Variants in SCRN1 observed in about 807,000 individuals in gnomAD.
SCRN1 encodes the protein secernin 1.
A neutral mutation model predicts 43.3 loss-of-function variants in SCRN1; 19 were observed. The observed-to-expected ratio is 0.44, with a 90% CI of 0.31 to 0.64. The LOEUF (loss-of-function observed/expected upper bound fraction) is 0.64, where lower values mean the gene tolerates loss of function less well. Among genes scored for constraint, SCRN1 ranks in the 30% least tolerant of loss-of-function variants. SCRN1 has a pLI of 0.09. For synonymous variants in SCRN1, 183 were observed against 188.9 expected, an observed-to-expected ratio of 0.97 and a Z score of 0.26; for missense variants, 447 against 524.1, an observed-to-expected ratio of 0.85 and a Z score of 1.44.
intron 6 of SCRN1, among the ~76,000 whole-genome samples, chr7:29,927,957 C>T (rs1213310222): frequency 6.6e-6 from 1 of 151,904 alleles, no homozygotes; most frequent in South Asian, 2.1e-4. Flanking sequence ...CCCGTTTCTA[C>T]TAAAAATAAA....
intron 3 of SCRN1, chr7:29,947,328 GA>G (rs1787767687): frequency 1.3e-6 from 2 of 1,550,640 alleles, no homozygotes; most frequent in South Asian, 2.4e-5. Flanking sequence ...ATCTCACTGA[GA>G]AAGATGGGTC....
intron 1 of SCRN1, among the ~76,000 whole-genome samples, chr7:29,978,998 T>C (rs1296855769): frequency 6.6e-6 from 1 of 152,264 alleles, no homozygotes; most frequent in Non-Finnish European, 1.5e-5. Context: ...TTTACAAAAG[T>C]ATTCTTCAAG....
At chr7:29,976,833 T>C (rs901482801) in intron 1 of SCRN1, among the ~76,000 whole-genome samples, 7 of 152,238 alleles carry the variant, frequency 4.6e-5, no homozygotes, top group African/African-American at 1.4e-4. Flanking sequence ...ATTCATCCTC[T>C]GACTGGTGGC....
intron 5 of SCRN1, among the ~76,000 whole-genome samples, chr7:29,939,016 GA>G (rs1379181046): frequency 6.6e-6 from 1 of 152,084 alleles, no homozygotes; most frequent in Non-Finnish European, 1.5e-5. Flanking sequence ...ATCAGATTTA[GA>G]GTTGATGTTT....
At chr7:29,947,369 T>C (rs1787769789) in intron 3 of SCRN1, 1 of 1,541,548 alleles carries the variant, frequency 6.5e-7, no homozygotes, top group African/African-American at 1.4e-5. Context: ...TTAAAGCCCG[T>C]TTGTTTAGAA....
intron 1 of SCRN1, among the ~76,000 whole-genome samples, chr7:29,982,818 C>CTCAATCAAGG (rs1311836450): frequency 1.3e-3 from 205 of 151,924 alleles, no homozygotes; most frequent in African/African-American, 4.8e-3. Context: ...ACTCTATCTT[C>CTCAATCAAGG]TCAATCAAGG....
At position 29,921,907 on chromosome 7, in the gene SCRN1, T is replaced by C. The variant is rs534916198; in HGVS notation, c.*2050A>G. On this transcript the variant is annotated 3_prime_UTR_variant, in exon 8 of 8. Transcript: ENST00000242059. ...CAGACATGTCAGGTCTGATGAGACA[T>C]TTCATAGTAGGCGAAGGTGAAATCA... 6.6e-6 allele frequency: 1 copy of C among 152,342 alleles called. No individual in the cohort carries two copies. Among genetic ancestry groups the C allele is most frequent in the South Asian group, 2.1e-4 (1 of 4,830 alleles). The allele number at this position is 152,342 out of a possible 1,614,324, so 9.4% of individuals were successfully genotyped here. A position where few individuals can be genotyped will look rare whatever the true frequency, so the allele number is the denominator to read the frequency against.
At chr7:29,972,728 GCTTCA>G (rs1367088909) in intron 1 of SCRN1, among the ~76,000 whole-genome samples, 7 of 152,188 alleles carry the variant, frequency 4.6e-5, no homozygotes, top group African/African-American at 1.7e-4. Context: ...GCACTGACTA[GCTTCA>G]GAGATGACTT....
chr7:29,989,880 C>A, upstream of SCRN1: 1 of 1,036,504 alleles, frequency 9.6e-7, no homozygotes, highest in African/African-American at 1.7e-5. Flanking sequence ...CCTCCCCCAC[C>A]CCGGCCCCCG....
chr7:29,952,923 C>G (rs868061875), intron 3 of SCRN1, among the ~76,000 whole-genome samples: 56 of 152,330 alleles, frequency 3.7e-4, no homozygotes, highest in African/African-American at 1.3e-3. Context: ...CTGGACATGG[C>G]TAGCCCAAGA....
chr7:29,972,254 A>T (rs947060147), intron 1 of SCRN1, among the ~76,000 whole-genome samples: 11 of 152,314 alleles, frequency 7.2e-5, no homozygotes, highest in African/African-American at 2.6e-4. Context: ...ATCTTGTGTG[A>T]TGCCTCGAGT....
chr7:29,960,575 T>C (rs1788274751), intron 2 of SCRN1, among the ~76,000 whole-genome samples: 1 of 152,198 alleles, frequency 6.6e-6, no homozygotes, highest in Non-Finnish European at 1.5e-5. Context: ...CAAGTATAAG[T>C]AATGTAAACC....
Position 29,950,177 on chromosome 7 carries a change from C to T in SCRN1, c.341+5002G>A, listed in dbSNP as rs1787873324. ...CCTACAGGCTTGGAAGTGCCTGCTT[C>T]CTGCTCCCTGACCTCTTCCCGCTTC... On this transcript the variant is annotated intron_variant, in intron 3 of 7. Coordinates refer to ENST00000242059, the MANE Select transcript of SCRN1 (RefSeq NM_014766.5). This position sits in a 1 kb window ranked among gnomAD's most constrained non-coding sequence, Gnocchi z 4.5. 6.6e-6 allele frequency among the ~76,000 whole-genome samples: 1 copy of T among 152,224 alleles called. No homozygotes were observed. Among genetic ancestry groups the T allele is most frequent in the South Asian group, 2.1e-4 (1 of 4,832 alleles).
In SCRN1 at chr7:29,920,636, G is replaced by C. The variant is rs930288790; in HGVS notation, c.*3321C>G. ...CAACTGAAGACCTTCCCCAATAAAT[G>C]ACAGATGGCTCTTCAGTCAGGAATG... On this transcript the variant is annotated 3_prime_UTR_variant, in exon 8 of 8. Transcript: ENST00000242059. 3.9e-5 allele frequency: 6 copies of C among 152,174 alleles called. No individual in the cohort carries two copies. The highest frequency in any genetic ancestry group is 6.5e-5 in the Admixed American group (1 of 15,278). The allele number at this position is 152,174 out of a possible 1,614,324, so 9.4% of individuals were successfully genotyped here.
chr7:29,985,071 C>T lies in SCRN1; in HGVS notation c.-2+4571G>A, dbSNP rs1295269250. ...GCCAAATCTAACAGATTAACATAAC[C>T]AGTGAAGTTGGTAGACAGCTCTTGT... On this transcript the variant is annotated intron_variant, in intron 1 of 7. Transcript: ENST00000242059. 2.8e-5 allele frequency among the ~76,000 whole-genome samples: 4 copies of T among 143,366 alleles called. 1 individual carries two copies. Among genetic ancestry groups the T allele is most frequent in the Non-Finnish European group, 6.1e-5 (4 of 65,514 alleles). 94.1% of individuals were successfully genotyped at this position (143,366 alleles called of 152,430 possible).
intron 6 of SCRN1, among the ~76,000 whole-genome samples, chr7:29,929,227 T>C (rs2128086603): frequency 1.3e-5 from 2 of 152,224 alleles, no homozygotes; most frequent in South Asian, 4.2e-4. Context: ...GTTCACATCT[T>C]CTCAGCTCCA....
chr7:29,983,031 GT>G (rs1789039186), intron 1 of SCRN1, among the ~76,000 whole-genome samples: 1 of 151,854 alleles, frequency 6.6e-6, no homozygotes, highest in African/African-American at 2.4e-5. Context: ...TAGAGACGTG[GT>G]TTCACCATGT....
chr7:29,968,731 C>T (rs1221694838), intron 2 of SCRN1, among the ~76,000 whole-genome samples, 178 bp downstream of exon 2: 2 of 152,170 alleles, frequency 1.3e-5, no homozygotes, highest in Admixed American at 6.5e-5. Context: ...GAGCATAGAG[C>T]TCTCCCATGA....
chr7:29,969,256 C>CCAGATATTG, intron 1 of SCRN1, 188 bp from the exon 2 acceptor site: 1 of 627,508 alleles, frequency 1.6e-6, no homozygotes, highest in South Asian at 2.0e-5. Context: ...GCCACCGAGA[C>CCAGATATTG]CAGATATTGT....
Sources: gnomAD v4.1 joint callset for allele counts (sites outside exome capture counted in the v4.1 genomes callset) on GRCh38, gnomAD v4.1.1 for gene constraint, Gnocchi (gnomAD v3.1) non-coding constraint, MANE v1.5 for transcripts, NCBI Gene and HGNC (gene_info 2026-07-23, HGNC 2026-07-21) for gene names.